PPIB: variants seen among roughly 807,000 people sequenced by gnomAD.
PPIB encodes peptidyl-prolyl cis-trans isomerase B.
Under a neutral mutation model 20.1 loss-of-function variants are expected in PPIB, and 15 were observed. The ratio of observed to expected loss-of-function variants is 0.75; its 90% CI spans 0.50 to 1.15. The LOEUF is 1.15. Among genes scored for constraint, PPIB ranks in the 50% most tolerant of loss-of-function variants. The pLI is 0.00. For missense variants in PPIB, 278 were observed against 283.0 expected, an observed-to-expected ratio of 0.98 and a Z score of 0.13; for synonymous variants, 129 against 111.0, an observed-to-expected ratio of 1.16 and a Z score of -1.02.
At chr15:64,162,754 A>C in intron 1 of PPIB, 98 bp downstream of exon 1, 1 of 1,542,338 alleles carries the variant, frequency 6.5e-7, no homozygotes, top group Non-Finnish European at 8.8e-7. Flanking sequence ...CCACGAGGCC[A>C]CAGACAGAAG....
Position 64,159,045 on chromosome 15 carries a change from G to A in PPIB, c.343+1059C>T, listed in dbSNP as rs1043316492. Among the ~76,000 whole-genome samples, 6 of 152,200 alleles carry A rather than the reference G, an allele frequency of 3.9e-5. No individual in the cohort carries two copies. Among genetic ancestry groups the A allele is most frequent in the African/African-American group, 1.4e-4 (6 of 41,452 alleles). ...CAAAACAAGAAGGTGGCAGACACTG[G>A]ATCGAGCCCAACTGCGTCTGACTCC... On this transcript the variant is annotated intron_variant, in intron 3 of 4. Transcript: ENST00000300026. This position sits in a 1 kb window ranked among gnomAD's most constrained non-coding sequence, Gnocchi z 5.1.
chr15:64,160,135 GC>G lies in PPIB; in HGVS notation c.311del (p.Gly104AlafsTer27), dbSNP rs768479552. The G allele has an allele frequency of 6.2e-7, 1 of 1,613,962 alleles. No homozygotes were observed. The highest frequency in any genetic ancestry group is 8.5e-7 in the Non-Finnish European group (1 of 1,179,868). ...HRVIKDFMIQGGDFTRGDGTG... is the reference protein window; with the variant it reads ...HRVIKDFMIQXGDFTRGDGTG... ...TGCCATCTCCCCTGGTGAAGTCTCC[GC>G]CCTGGATCATGAAGTCCTTGATTAC... On this transcript the variant is annotated frameshift_variant, in exon 3 of 5. Coordinates refer to ENST00000300026, the MANE Select transcript of PPIB (RefSeq NM_000942.5). LOFTEE classifies it high-confidence loss of function. This position sits in a 1 kb window ranked among gnomAD's most constrained non-coding sequence, Gnocchi z 4.8.
At position 64,163,002 on chromosome 15, in the gene PPIB, A is replaced by C. The variant is rs779568765; in HGVS notation, c.-16T>G. The stretch of plus-strand genomic sequence containing the variant: ...GGCGCAGCATCCACAGGCGGAGGCG[A>C]AAGCAGCCCGGACAGCTGAGGCCGG... On this transcript the variant is annotated 5_prime_UTR_variant, in exon 1 of 5. Coordinates refer to ENST00000300026, the MANE Select transcript of PPIB (RefSeq NM_000942.5). 6 of 1,611,966 alleles carry C rather than the reference A, an allele frequency of 3.7e-6. No individual in the cohort carries two copies. In the Admixed American group the frequency reaches 6.7e-5, roughly 18 times the overall value.
rs1046045315 is a variant in PPIB at position 64,161,829 on chromosome 15, A to G, written c.249+212T>C. Among the ~76,000 whole-genome samples, 1 of 152,156 alleles carries G rather than the reference A, an allele frequency of 6.6e-6. No homozygotes were observed. Among genetic ancestry groups the G allele is most frequent in the African/African-American group, 2.4e-5 (1 of 41,420 alleles). On this transcript the variant is annotated intron_variant, in intron 2 of 4. Transcript: ENST00000300026. The surrounding 1 kb of genome is among the most constrained non-coding windows in gnomAD (Gnocchi z 4.2). ...AGCAATCCTCCTACTTTGGCCTCCA[A>G]AAGTGCTGGGATTTTAAGTGTGAGC...
At chr15:64,162,549 AT>A (rs143999469) in intron 1 of PPIB, among the ~76,000 whole-genome samples, 88 of 152,338 alleles carry the variant, frequency 5.8e-4, no homozygotes, top group African/African-American at 2.0e-3. Flanking sequence ...AGGATTCGGA[AT>A]CCGGCAGGCG....
Position 64,156,750 on chromosome 15 carries a change from A to G in PPIB, c.503T>C (p.Val168Ala), listed in dbSNP as rs762713590. Residue 168 changes from valine (V) to alanine (A), a missense_variant, in exon 4 of 5, where the codon GTG becomes GCG. Transcript: ENST00000300026. This position sits in a 1 kb window ranked among gnomAD's most constrained non-coding sequence, Gnocchi z 6.4. ...CATGCCCTCTAGAACTTTGCCAAAC[A>G]CCACATGCTTGCCATCTAGCCAGGC... ...KTAWLDGKHV[V>A]FGKVLEGMEV... 1.1e-5 allele frequency: 17 copies of G among 1,614,000 alleles called. No individual in the cohort carries two copies. The highest frequency in any genetic ancestry group is 1.1e-5 in the Non-Finnish European group (13 of 1,180,032).
intron 1 of PPIB, 144 bp downstream of exon 1, chr15:64,162,708 C>A: frequency 2.9e-6 from 4 of 1,357,352 alleles, no homozygotes. Context: ...GGGTCCGGGT[C>A]GTTCCCTGGA....
In PPIB at chr15:64,160,218, G is replaced by A. The variant is rs1264268962; in HGVS notation, c.250-21C>T. ...CCTTTCTAGAAAAAGGGAAGAGAAG[G>A]TAAGGAGGTGGTATGGGGCAGCAGG... On this transcript the variant is annotated intron_variant, in intron 2 of 4. Coordinates refer to ENST00000300026, the MANE Select transcript of PPIB (RefSeq NM_000942.5). This position sits in a 1 kb window ranked among gnomAD's most constrained non-coding sequence, Gnocchi z 4.8. The A allele has an allele frequency of 6.3e-7, 1 of 1,581,784 alleles. No homozygotes were observed.
chr15:64,156,530 C>T lies in PPIB; in HGVS notation c.528+195G>A. ...CAGTTGTGCAGCCTTCCTGGCTGGG[C>T]TCTGAGGGGGCTGGAAGAATTTAGA... On this transcript the variant is annotated intron_variant, in intron 4 of 4. Transcript: ENST00000300026. The surrounding 1 kb of genome is among the most constrained non-coding windows in gnomAD (Gnocchi z 6.4). 2.7e-6 allele frequency: 2 copies of T among 737,778 alleles called. No individual in the cohort carries two copies. The highest frequency in any genetic ancestry group is 4.6e-6 in the Non-Finnish European group (2 of 431,528). 45.7% of individuals were successfully genotyped at this position (737,778 alleles called of 1,614,324 possible). A position where few individuals can be genotyped will look rare whatever the true frequency, so the allele number is the denominator to read the frequency against.
rs2081571199 is a variant in PPIB at position 64,162,964 on chromosome 15, T to C, written c.23A>G (p.Asn8Ser). 1 of 1,613,412 alleles carries C rather than the reference T, an allele frequency of 6.2e-7. No homozygotes were observed. The highest frequency in any genetic ancestry group is 8.5e-7 in the Non-Finnish European group (1 of 1,179,804). MLRLSER[N>S]MKVLLAAALI... is the part of the protein sequence containing the mutation. ...GGCGGCGGCAAGGAGCACCTTCATGTTGCGTTCGGAGAGGCGCAGCATCCA... is the reference window on the plus strand; with the variant it reads ...GGCGGCGGCAAGGAGCACCTTCATGCTGCGTTCGGAGAGGCGCAGCATCCA... Residue 8 changes from asparagine to serine, a missense_variant, in exon 1 of 5, where the codon AAC becomes AGC. Coordinates refer to ENST00000300026, the MANE Select transcript of PPIB (RefSeq NM_000942.5).
chr15:64,158,766 C>T lies in PPIB; in HGVS notation c.343+1338G>A, dbSNP rs139548376. ...GCCCTAACCCTGCCTCTTTTCTGCCCGTTCAAATTCTCCTCATTGAGGACC... is the reference window on the plus strand; with the variant it reads ...GCCCTAACCCTGCCTCTTTTCTGCCTGTTCAAATTCTCCTCATTGAGGACC... On this transcript the variant is annotated intron_variant, in intron 3 of 4. Transcript: ENST00000300026. The surrounding 1 kb of genome is among the most constrained non-coding windows in gnomAD (Gnocchi z 4.7). Among the ~76,000 whole-genome samples the T allele has an allele frequency of 1.2e-3, 187 of 152,346 alleles. 2 individuals carry two copies. Among genetic ancestry groups the T allele is most frequent in the African/African-American group, 4.0e-3 (167 of 41,578 alleles).
At position 64,156,425 on chromosome 15, in the gene PPIB, C is replaced by T. The variant is rs1432923397; in HGVS notation, c.529-280G>A. ...ACCAGGGCATGTGGCTTCTCAGGGA[C>T]ATTGCGTTCAGCTGCACTCTGTATA... On this transcript the variant is annotated intron_variant, in intron 4 of 4. Transcript: ENST00000300026. This position sits in a 1 kb window ranked among gnomAD's most constrained non-coding sequence, Gnocchi z 6.4. 8 of 618,150 alleles carry T rather than the reference C, an allele frequency of 1.3e-5. No individual in the cohort carries two copies. In the East Asian group the frequency reaches 2.2e-4, roughly 17 times the overall value. The allele number at this position is 618,150 out of a possible 1,614,324, so 38.3% of individuals were successfully genotyped here. A position where few individuals can be genotyped will look rare whatever the true frequency, so the allele number is the denominator to read the frequency against.
In PPIB at chr15:64,155,941, C is replaced by G. The variant is rs2081526524; in HGVS notation, c.*82G>C. 1 of 1,606,842 alleles carries G rather than the reference C, an allele frequency of 6.2e-7. No homozygotes were observed. The highest frequency in any genetic ancestry group is 1.3e-5 in the African/African-American group (1 of 74,918). Reference sequence around the variant, plus strand: ...GGGTCCGCTCCACCAGATGCCAGCACCGGGGCCAGTGCAGCTCAGAGCCCT... The same window carrying G: ...GGGTCCGCTCCACCAGATGCCAGCAGCGGGGCCAGTGCAGCTCAGAGCCCT... On this transcript the variant is annotated 3_prime_UTR_variant, in exon 5 of 5. Transcript: ENST00000300026.
At chr15:64,162,709 G>A in intron 1 of PPIB, 143 bp downstream of exon 1, 2 of 1,384,042 alleles carry the variant, frequency 1.4e-6, no homozygotes, top group East Asian at 2.5e-5. Context: ...GGTCCGGGTC[G>A]TTCCCTGGAC....
rs1238063597 is a variant in PPIB at position 64,155,829 on chromosome 15, A to AAC, written c.*193_*194insGT. On this transcript the variant is annotated 3_prime_UTR_variant, in exon 5 of 5. Transcript: ENST00000300026. ...CCCACACATTATATATTAAAAAAAA[A>AAC]AAAACCCACATTTTTTTTTATTGGT... is the stretch of plus-strand genomic sequence containing the variant. The AAC allele has an allele frequency of 3.8e-6, 3 of 783,018 alleles. No individual in the cohort carries two copies. The African/African-American group carries it at 5.3e-5, about 14-fold the overall frequency. 48.5% of individuals were successfully genotyped at this position (783,018 alleles called of 1,614,324 possible). A position where few individuals can be genotyped will look rare whatever the true frequency, so the allele number is the denominator to read the frequency against.
Position 64,156,107 on chromosome 15 carries a change from G to GCTGT in PPIB, c.563_566dup (p.Ser189ArgfsTer5). The stretch of plus-strand genomic sequence containing the variant: ...TCACATCCTTCAGGGGTTTATCCCG[G>GCTGT]CTGTCTGTCTTGGTGCTCTCCACCT... On this transcript the variant is annotated frameshift_variant, in exon 5 of 5. Transcript: ENST00000300026. LOFTEE classifies it high-confidence loss of function. The surrounding 1 kb of genome is among the most constrained non-coding windows in gnomAD (Gnocchi z 6.4). 4 of 1,614,200 alleles carry GCTGT rather than the reference G, an allele frequency of 2.5e-6. No homozygotes were observed. The highest frequency in any genetic ancestry group is 3.4e-6 in the Non-Finnish European group (4 of 1,180,030).
chr15:64,160,016 AAG>A lies in PPIB; in HGVS notation c.343+86_343+87del, dbSNP rs1447086549. On this transcript the variant is annotated intron_variant, in intron 3 of 4. Transcript: ENST00000300026. This position sits in a 1 kb window ranked among gnomAD's most constrained non-coding sequence, Gnocchi z 4.8. ...GGCCTGCCTCTAGAGCTGGGGAAGA[AAG>A]AGGCCTGGTCTCCCCAGCAGAACCT... is the stretch of plus-strand genomic sequence containing the variant. 2.6e-6 allele frequency: 3 copies of A among 1,161,874 alleles called. No homozygotes were observed. Among genetic ancestry groups the A allele is most frequent in the Non-Finnish European group, 3.9e-6 (3 of 770,252 alleles). The allele number at this position is 1,161,874 out of a possible 1,614,324, so 72.0% of individuals were successfully genotyped here.
At position 64,156,976 on chromosome 15, in the gene PPIB, A is replaced by T; in HGVS notation, c.344-67T>A. Reference sequence around the variant, plus strand: ...CCAAACCAAGCAGACATTCGGGGCCAGGACTGAGGGGGCTTAACCTGTCCT... The same window carrying T: ...CCAAACCAAGCAGACATTCGGGGCCTGGACTGAGGGGGCTTAACCTGTCCT... On this transcript the variant is annotated intron_variant, in intron 3 of 4. Transcript: ENST00000300026. This position sits in a 1 kb window ranked among gnomAD's most constrained non-coding sequence, Gnocchi z 6.4. 6.5e-7 allele frequency: 1 copy of T among 1,533,050 alleles called. No individual in the cohort carries two copies. Among genetic ancestry groups the T allele is most frequent in the Admixed American group, 1.7e-5 (1 of 58,222 alleles). 95.0% of individuals were successfully genotyped at this position (1,533,050 alleles called of 1,614,324 possible).
chr15:64,156,516 C>G lies in PPIB; in HGVS notation c.528+209G>C. The G allele has an allele frequency of 1.5e-6, 1 of 684,974 alleles. No homozygotes were observed. The highest frequency in any genetic ancestry group is 2.4e-5 in the Admixed American group (1 of 41,824). 42.4% of individuals were successfully genotyped at this position (684,974 alleles called of 1,614,324 possible). A position where few individuals can be genotyped will look rare whatever the true frequency, so the allele number is the denominator to read the frequency against. On this transcript the variant is annotated intron_variant, in intron 4 of 4. Transcript: ENST00000300026. The surrounding 1 kb of genome is among the most constrained non-coding windows in gnomAD (Gnocchi z 6.4). ...GAGGGAGGCTCTGGCAGTTGTGCAG[C>G]CTTCCTGGCTGGGCTCTGAGGGGGC...
Sources: gnomAD v4.1 joint callset for allele counts (sites outside exome capture counted in the v4.1 genomes callset) on GRCh38, gnomAD v4.1.1 for gene constraint, Gnocchi (gnomAD v3.1) non-coding constraint, MANE v1.5 for transcripts, NCBI Gene and HGNC (gene_info 2026-07-23, HGNC 2026-07-21) for gene names.